PSD3: variants seen among roughly 807,000 people sequenced by gnomAD.
PSD3 encodes PH and SEC7 domain-containing protein 3.
Under a neutral mutation model 105.5 loss-of-function variants are expected in PSD3, and 49 were observed. The ratio of observed to expected loss-of-function variants is 0.46; its 90% confidence interval spans 0.37 to 0.59. PSD3 has a LOEUF of 0.59. PSD3 is among the 20% of genes least tolerant of loss of function. The pLI is 0.00. For missense variants in PSD3, 1,561 were observed against 1,263.8 expected (o/e 1.24, Z -3.57); for synonymous variants, 557 against 457.8 (o/e 1.22, Z -2.77).
chr8:18,565,763 G>C (rs1392941652), intron 14 of PSD3, among the ~76,000 whole-genome samples: 2 of 152,258 alleles, frequency 1.3e-5, no homozygotes, highest in East Asian at 3.9e-4. Flanking sequence ...TGGTCTCACG[G>C]CTTCACATCC....
chr8:18,752,249 G>C (rs922610083), intron 9 of PSD3, among the ~76,000 whole-genome samples: 3 of 150,808 alleles, frequency 2.0e-5, no homozygotes, highest in Admixed American at 6.7e-5. Context: ...TGTACATGCA[G>C]AATCACTGAC....
rs1423049553 is a variant in PSD3 at position 18,875,711 on chromosome 8, A to AT, written c.131-2979dup. Among the ~76,000 whole-genome samples, 3 of 151,596 alleles carry AT rather than the reference A, an allele frequency of 2.0e-5. No individual in the cohort carries two copies. The East Asian group carries it at 5.9e-4, about 30-fold the overall frequency. On this transcript the variant is annotated intron_variant, in intron 2 of 15. Transcript: ENST00000327040. ...TCACCATGCCTGGCTAATTTTTTGT[A>AT]TTTTTTTAGTAGAGACGGGGTTTCA...
At position 18,716,356 on chromosome 8, in the gene PSD3, G is replaced by A. The variant is rs965456124; in HGVS notation, c.2172+49093C>T. ...AGGGAAATATAGTTTTTACCTTTCC[G>A]GGCTCTGCAGTGGAATAAATGGAAA... On this transcript the variant is annotated intron_variant, in intron 9 of 15. Coordinates refer to ENST00000327040, the MANE Select transcript of PSD3 (RefSeq NM_015310.4). Among the ~76,000 whole-genome samples, 5 of 152,126 alleles carry A rather than the reference G, an allele frequency of 3.3e-5. No homozygotes were observed. The East Asian group carries it at 5.8e-4, about 18-fold the overall frequency.
chr8:18,541,089 A>G (rs1011857001), intron 15 of PSD3, among the ~76,000 whole-genome samples: 1 of 151,508 alleles, frequency 6.6e-6, no homozygotes, highest in Non-Finnish European at 1.5e-5. Context: ...TAAAACTGGA[A>G]CACCTACTCT....
chr8:18,714,030 A>C (rs1317632789), intron 9 of PSD3, among the ~76,000 whole-genome samples: 1 of 152,226 alleles, frequency 6.6e-6, no homozygotes, highest in East Asian at 1.9e-4. Flanking sequence ...GGCAATGGGG[A>C]AATGATTCCC....
intron 1 of PSD3, among the ~76,000 whole-genome samples, chr8:18,938,514 T>G (rs1332533379): frequency 6.6e-6 from 1 of 151,444 alleles, no homozygotes; most frequent in Non-Finnish European, 1.5e-5. Context: ...TCCCAGCTAC[T>G]CAGGAAGCTA....
intron 9 of PSD3, among the ~76,000 whole-genome samples, chr8:18,700,996 T>C (rs1801543640): frequency 6.6e-6 from 1 of 152,134 alleles, no homozygotes; most frequent in Non-Finnish European, 1.5e-5. Context: ...AGACAGGGTG[T>C]TACTCTGTCA....
At chr8:18,545,283 T>C (rs1486235411) in intron 15 of PSD3, among the ~76,000 whole-genome samples, 2 of 152,182 alleles carry the variant, frequency 1.3e-5, no homozygotes, top group Admixed American at 6.5e-5. Flanking sequence ...AAATAAATTG[T>C]CCGGTTCCAA....
intron 3 of PSD3, among the ~76,000 whole-genome samples, chr8:18,871,370 T>G (rs1049454725): frequency 1.3e-5 from 2 of 152,224 alleles, no homozygotes; most frequent in African/African-American, 4.8e-5. Flanking sequence ...CACAGTTTAG[T>G]GTTCACAGTC....
At chr8:18,901,224 A>C (rs1314370382) in intron 2 of PSD3, among the ~76,000 whole-genome samples, 1 of 152,202 alleles carries the variant, frequency 6.6e-6, no homozygotes, top group Admixed American at 6.5e-5. Context: ...AAATTGTTGC[A>C]AATCTCCCAA....
intron 1 of PSD3, among the ~76,000 whole-genome samples, chr8:19,061,803 TA>T (rs397893093): frequency 0.1 from 14,359 of 141,766 alleles, 1,853 homozygotes; most frequent in African/African-American, 0.31. Flanking sequence ...AGACTCCGTC[TA>T]AAAAAAAAAA....
intron 9 of PSD3, among the ~76,000 whole-genome samples, chr8:18,712,127 G>C (rs928694169): frequency 3.3e-5 from 5 of 152,080 alleles, no homozygotes; most frequent in African/African-American, 1.2e-4. Context: ...CTAAAGCAAT[G>C]TTAAGAGGGA....
intron 4 of PSD3, among the ~76,000 whole-genome samples, chr8:18,838,170 C>T (rs1563330130): frequency 1.3e-5 from 2 of 152,254 alleles, no homozygotes; most frequent in Middle Eastern, 3.4e-3. Context: ...ACCTTACAAC[C>T]CTGAGTGGGA....
intron 8 of PSD3, among the ~76,000 whole-genome samples, chr8:18,781,011 A>G (rs1808572611): frequency 6.6e-6 from 1 of 151,720 alleles, no homozygotes. Flanking sequence ...TTCATTTTTT[A>G]TATCTTCCCC....
At chr8:18,833,063 T>C (rs1813805314) in intron 4 of PSD3, among the ~76,000 whole-genome samples, 1 of 152,210 alleles carries the variant, frequency 6.6e-6, no homozygotes, top group Non-Finnish European at 1.5e-5. Flanking sequence ...ATGTTAAAGA[T>C]GAATGTTATT....
chr8:18,965,379 G>A (rs1824173234), intron 1 of PSD3, among the ~76,000 whole-genome samples: 1 of 152,142 alleles, frequency 6.6e-6, no homozygotes, highest in African/African-American at 2.4e-5. Context: ...TTGCGCCCTT[G>A]AGGAACCAGC....
At chr8:18,729,271 T>C (rs1281667060) in intron 9 of PSD3, among the ~76,000 whole-genome samples, 1 of 152,204 alleles carries the variant, frequency 6.6e-6, no homozygotes, top group African/African-American at 2.4e-5. Context: ...ATGCATTCTG[T>C]AAAAGCTTAA....
At chr8:18,697,245 G>A (rs1384567590) in intron 9 of PSD3, among the ~76,000 whole-genome samples, 1 of 152,122 alleles carries the variant, frequency 6.6e-6, no homozygotes. Flanking sequence ...AGCGACATGG[G>A]GTGAGTGGCG....
chr8:18,862,160 T>C (rs1403210502), intron 4 of PSD3, among the ~76,000 whole-genome samples: 1 of 152,188 alleles, frequency 6.6e-6, no homozygotes, highest in Non-Finnish European at 1.5e-5. Flanking sequence ...CTTTTCTTGA[T>C]TTTTGTTCCA....
Sources: allele counts gnomAD v4.1 joint callset (sites outside exome capture counted in the v4.1 genomes callset), GRCh38; gene constraint gnomAD v4.1.1; transcripts MANE v1.5; gene names NCBI Gene and HGNC (gene_info 2026-07-23, HGNC 2026-07-21).